DSG2: variants seen among roughly 807,000 people sequenced by gnomAD.
DSG2 encodes the protein desmoglein 2.
Under a neutral mutation model 75.6 loss-of-function variants are expected in DSG2, and 45 were observed. That is an observed-to-expected ratio of 0.60 (90% CI 0.47 to 0.76). The LOEUF is 0.76. Ranked by LOEUF, DSG2 falls within the 30% of genes least tolerant of loss-of-function variation. The pLI, the probability that DSG2 is intolerant of heterozygous loss-of-function variation, is 0.00. For synonymous variants in DSG2, 429 were observed against 483.9 expected (o/e 0.89, Z 1.49); for missense variants, 1,267 against 1,357.4 (o/e 0.93, Z 1.05).
Position 31,519,939 on chromosome 18 carries a change from T to C in DSG2, c.216+2T>C. ...TCCAAGAAGAATCCAATTGCCAAGG[T>C]ACCTCCTAAAGAGGAACATGAAATA... On this transcript the variant is annotated splice_donor_variant, in intron 3 of 14. Transcript: ENST00000261590. LOFTEE classifies it high-confidence loss of function. The C allele has an allele frequency of 6.2e-7, 1 of 1,614,150 alleles. No homozygotes were observed. Among genetic ancestry groups the C allele is most frequent in the Non-Finnish European group, 8.5e-7 (1 of 1,180,022 alleles).
chr18:31,524,983 A>G (rs910136144), intron 8 of DSG2, 95 bp downstream of exon 8: 44 of 1,165,850 alleles, frequency 3.8e-5, no homozygotes, highest in Admixed American at 1.3e-4. Context: ...AGTGCTTTAC[A>G]TATTCAATTA....
chr18:31,502,703 A>G (rs1427422493), intron 1 of DSG2, among the ~76,000 whole-genome samples: 1 of 151,732 alleles, frequency 6.6e-6, no homozygotes, highest in Non-Finnish European at 1.5e-5. Flanking sequence ...GTGAGCCGAG[A>G]TTGTGCCACT....
chr18:31,528,587 A>G (rs1363089517), intron 8 of DSG2, among the ~76,000 whole-genome samples: 1 of 151,804 alleles, frequency 6.6e-6, no homozygotes, highest in Non-Finnish European at 1.5e-5. Context: ...GTGCATGCCT[A>G]TAATTCCAGC....
intron 1 of DSG2, among the ~76,000 whole-genome samples, chr18:31,512,004 A>G (rs1043204387): frequency 1.3e-5 from 2 of 152,208 alleles, no homozygotes; most frequent in Admixed American, 1.3e-4. Flanking sequence ...ACATTACATT[A>G]AAGATGTACA....
chr18:31,516,155 A>G (rs1292315760), intron 1 of DSG2, among the ~76,000 whole-genome samples: 7 of 152,082 alleles, frequency 4.6e-5, no homozygotes, highest in Admixed American at 3.3e-4. Flanking sequence ...TTTTTTTAAG[A>G]TAAGGAAAAC....
chr18:31,517,977 A>G (rs967948270), intron 1 of DSG2, among the ~76,000 whole-genome samples: 2 of 152,184 alleles, frequency 1.3e-5, no homozygotes, highest in African/African-American at 2.4e-5. Context: ...AGATTTCACA[A>G]GGCAGATTAT....
intron 1 of DSG2, 127 bp from the exon 2 acceptor site, chr18:31,518,112 G>A: frequency 1.4e-6 from 1 of 736,790 alleles, no homozygotes; most frequent in Non-Finnish European, 2.3e-6. Flanking sequence ...TCTTGACAAA[G>A]AATAGTAGTA....
intron 8 of DSG2, among the ~76,000 whole-genome samples, chr18:31,530,465 T>C (rs2073188494): frequency 6.6e-6 from 1 of 152,198 alleles, no homozygotes; most frequent in Admixed American, 6.5e-5. Flanking sequence ...TTGCCCAGGC[T>C]GAAGTGCAGT....
chr18:31,541,954 G>C (rs1470703512), intron 13 of DSG2, among the ~76,000 whole-genome samples: 1 of 151,934 alleles, frequency 6.6e-6, no homozygotes, highest in Non-Finnish European at 1.5e-5. Flanking sequence ...CCATGGTTGA[G>C]TTCCATTCCC....
chr18:31,501,137 A>T (rs2073011491), intron 1 of DSG2, among the ~76,000 whole-genome samples: 2 of 152,336 alleles, frequency 1.3e-5, no homozygotes, highest in South Asian at 2.1e-4. Context: ...TTGGTATTTT[A>T]AAAATGCTGA....
chr18:31,518,228 T>G lies in DSG2; in HGVS notation c.46-11T>G. 1.9e-6 allele frequency: 3 copies of G among 1,609,992 alleles called. No homozygotes were observed. Among genetic ancestry groups the G allele is most frequent in the Non-Finnish European group, 2.6e-6 (3 of 1,176,370 alleles). ...TAAATTGGCTAAATATCAAATAATT[T>G]TATTTTACAGATCTGCTTTAACGTT... On this transcript the variant is annotated splice_polypyrimidine_tract_variant and intron_variant, in intron 1 of 14. Transcript: ENST00000261590.
At chr18:31,524,048 A>G (rs2073145215) in intron 6 of DSG2, among the ~76,000 whole-genome samples, 1 of 152,216 alleles carries the variant, frequency 6.6e-6, no homozygotes, top group African/African-American at 2.4e-5. Context: ...GACAAAGTTC[A>G]CCCAGTTTTG....
intron 6 of DSG2, among the ~76,000 whole-genome samples, chr18:31,523,887 G>C (rs2073144522): frequency 6.6e-6 from 1 of 152,184 alleles, no homozygotes; most frequent in African/African-American, 2.4e-5. Context: ...CCCTATGCAG[G>C]ACCCCAAGCA....
chr18:31,519,790 T>G lies in DSG2; in HGVS notation c.82-13T>G. 2 of 1,613,714 alleles carry G rather than the reference T, an allele frequency of 1.2e-6. No homozygotes were observed. Among genetic ancestry groups the G allele is most frequent in the African/African-American group, 2.7e-5 (2 of 75,054 alleles). ...GACACATAATAAATTTTGGCAATAT[T>G]CTATTGTTATAGGTCTTAAGCACAA... On this transcript the variant is annotated splice_polypyrimidine_tract_variant and intron_variant, in intron 2 of 14. Transcript: ENST00000261590.
chr18:31,545,683 G>A (rs777990505), intron 14 of DSG2, 38 bp from the exon 15 acceptor site: 1 of 1,603,476 alleles, frequency 6.2e-7, no homozygotes, highest in Non-Finnish European at 8.5e-7. Flanking sequence ...CTAATTATTT[G>A]TCTGTTTTGT....
intron 1 of DSG2, among the ~76,000 whole-genome samples, chr18:31,499,759 A>G (rs1243870744): frequency 1.3e-5 from 2 of 152,198 alleles, no homozygotes; most frequent in Non-Finnish European, 2.9e-5. Context: ...ATAATGTAGC[A>G]ATCAGGCCAA....
chr18:31,518,979 C>G (rs2073110793), intron 2 of DSG2, among the ~76,000 whole-genome samples: 1 of 152,098 alleles, frequency 6.6e-6, no homozygotes, highest in Non-Finnish European at 1.5e-5. Context: ...AAATTTAATT[C>G]TTTACCCAAT....
chr18:31,503,172 C>T (rs1049179572), intron 1 of DSG2, among the ~76,000 whole-genome samples: 2 of 152,066 alleles, frequency 1.3e-5, no homozygotes, highest in Non-Finnish European at 2.9e-5. Flanking sequence ...TATAAAAAAG[C>T]CAGACATGTT....
chr18:31,537,549 G>T (rs1053210743), intron 11 of DSG2, among the ~76,000 whole-genome samples: 1 of 151,904 alleles, frequency 6.6e-6, no homozygotes, highest in African/African-American at 2.4e-5. Flanking sequence ...AACCCAGAAG[G>T]CAGAGCTTGC....
Sources: gnomAD v4.1 joint callset for allele counts (sites outside exome capture counted in the v4.1 genomes callset) on GRCh38, gnomAD v4.1.1 for gene constraint, MANE v1.5 for transcripts, NCBI Gene and HGNC (gene_info 2026-07-23, HGNC 2026-07-21) for gene names.